CTC1: variants seen among roughly 807,000 people sequenced by gnomAD.
CTC1 encodes the protein CST telomere replication complex component 1.
In CTC1, 91 loss-of-function variants were observed where a neutral mutation model predicts 136.3. The ratio of observed to expected loss-of-function variants is 0.67; its 90% confidence interval spans 0.56 to 0.79. The LOEUF is 0.79. Ranked by LOEUF, CTC1 falls within the 30% of genes least tolerant of loss-of-function variation. The probability of loss-of-function intolerance (pLI) is 0.00; values close to 1 mark genes in which losing one functional copy is unlikely to be tolerated. For synonymous variants in CTC1, 606 were observed against 613.8 expected (o/e 0.99, Z 0.19); for missense variants, 1,432 against 1,498.1 (o/e 0.96, Z 0.73).
At chr17:8,235,987 CACT>C (rs776996372) in intron 6 of CTC1, 28 bp from the exon 7 acceptor site, 1 of 1,600,106 alleles carries the variant, frequency 6.2e-7, no homozygotes, top group Admixed American at 1.7e-5. Flanking sequence ...TCCAGTTGAC[CACT>C]ATTTTCTTCC....
At chr17:8,237,342 C>T in intron 5 of CTC1, 33 bp downstream of exon 5, 1 of 1,613,134 alleles carries the variant, frequency 6.2e-7, no homozygotes, top group Non-Finnish European at 8.5e-7. Flanking sequence ...CACCCTCCCC[C>T]ACTTCCATGG....
At chr17:8,232,571 C>T in intron 11 of CTC1, 96 bp from the exon 12 acceptor site, 4 of 967,106 alleles carry the variant, frequency 4.1e-6, no homozygotes, top group Non-Finnish European at 4.8e-6. Flanking sequence ...CCATCCCAGG[C>T]CAGAGCTGCT....
intron 1 of CTC1, among the ~76,000 whole-genome samples, chr17:8,245,303 A>G (rs1484509981): frequency 6.6e-6 from 1 of 152,248 alleles, no homozygotes; most frequent in East Asian, 1.9e-4. Flanking sequence ...AAAAGTTAAA[A>G]GGAAAAAAAA....
chr17:8,235,113 C>T lies in CTC1; in HGVS notation c.1379G>A (p.Arg460His), dbSNP rs200619397. ...ASLYEQLVWE[R>H]QLGLPLYLWA... ...CAGGTAGAGGGGAAGTCCTAACTGA[C>T]GTTCCCACACCAGCTGCTCGTACAG... Residue 460 changes from arginine to histidine, a missense_variant, in exon 8 of 23, where the codon CGT becomes CAT. Physicochemically the swap from Arg to His is conservative, Grantham distance 29. Transcript: ENST00000651323. 4.2e-5 allele frequency: 68 copies of T among 1,614,044 alleles called. No homozygotes were observed. Among genetic ancestry groups the T allele is most frequent in the East Asian group, 2.2e-5 (1 of 44,900 alleles).
At position 8,238,015 on chromosome 17, in the gene CTC1, T is replaced by C. The variant is rs761287304; in HGVS notation, c.647+16A>G. ...AGTTTTACAGCGCCCCTGCCATGCCTAGAGGGGGAAATTACCTGAGCCTGA... is the reference window on the plus strand; with the variant it reads ...AGTTTTACAGCGCCCCTGCCATGCCCAGAGGGGGAAATTACCTGAGCCTGA... On this transcript the variant is annotated intron_variant, in intron 4 of 22. Transcript: ENST00000651323. 5.0e-6 allele frequency: 8 copies of C among 1,605,280 alleles called. No individual in the cohort carries two copies. The African/African-American group carries it at 6.7e-5, about 13-fold the overall frequency.
chr17:8,235,623 C>T (rs1242517084), intron 7 of CTC1, among the ~76,000 whole-genome samples: 1 of 152,186 alleles, frequency 6.6e-6, no homozygotes, highest in Non-Finnish European at 1.5e-5. Flanking sequence ...GAAGGAGATG[C>T]TCTGGCCACA....
intron 2 of CTC1, among the ~76,000 whole-genome samples, chr17:8,241,896 G>T (rs529196399): frequency 1.3e-5 from 2 of 151,206 alleles, no homozygotes; most frequent in South Asian, 4.2e-4. Flanking sequence ...TTTACATAGG[G>T]TACGGTACCA....
chr17:8,229,227 G>A (rs767874922), intron 19 of CTC1, 21 bp from the exon 20 acceptor site: 1 of 1,614,174 alleles, frequency 6.2e-7, no homozygotes, highest in Non-Finnish European at 8.5e-7. Flanking sequence ...GACAGTGGTT[G>A]GAAAAGTCCT....
intron 2 of CTC1, among the ~76,000 whole-genome samples, chr17:8,241,511 C>G (rs966551177): frequency 4.7e-5 from 7 of 149,364 alleles, no homozygotes; most frequent in African/African-American, 1.7e-4. Context: ...ACTCAAGAGG[C>G]AGGAGAATCA....
chr17:8,245,286 C>T (rs564630704), intron 1 of CTC1, among the ~76,000 whole-genome samples: 46 of 152,216 alleles, frequency 3.0e-4, no homozygotes, highest in Admixed American at 1.8e-3. Flanking sequence ...CCCCCTGAAT[C>T]TAAAATAAAA....
Position 8,227,039 on chromosome 17 carries a change from G to C in CTC1, c.*1141C>G, listed in dbSNP as rs929998502. 1 of 152,526 alleles carries C rather than the reference G, an allele frequency of 6.6e-6. No individual in the cohort carries two copies. 9.4% of individuals were successfully genotyped at this position (152,526 alleles called of 1,614,324 possible). On this transcript the variant is annotated 3_prime_UTR_variant, in exon 23 of 23. Coordinates refer to ENST00000651323, the MANE Select transcript of CTC1 (RefSeq NM_025099.6). The stretch of plus-strand genomic sequence containing the variant: ...GCGACCTTGGCGTTATTAGCACCAC[G>C]CTCTAACCAACTGAGCTAACCGGCC...
In CTC1 at chr17:8,235,974, A is replaced by T; in HGVS notation, c.1078-15T>A. 1 of 1,602,348 alleles carries T rather than the reference A, an allele frequency of 6.2e-7. No homozygotes were observed. The highest frequency in any genetic ancestry group is 8.5e-7 in the Non-Finnish European group (1 of 1,170,810). On this transcript the variant is annotated splice_polypyrimidine_tract_variant and intron_variant, in intron 6 of 22. Transcript: ENST00000651323. ...GTGACTGCTCCCTGCAAACAGGCCG[A>T]GGTCCAGTTGACCACTATTTTCTTC...
chr17:8,245,065 T>C (rs1988564177), intron 1 of CTC1, among the ~76,000 whole-genome samples: 1 of 152,152 alleles, frequency 6.6e-6, no homozygotes, highest in African/African-American at 2.4e-5. Flanking sequence ...AAATACTGCA[T>C]GTTTGTTCCC....
chr17:8,235,139 G>T lies in CTC1; in HGVS notation c.1353C>A (p.Ser451=), dbSNP rs767761553. 1.2e-6 allele frequency: 2 copies of T among 1,614,066 alleles called. No homozygotes were observed. The highest frequency in any genetic ancestry group is 2.7e-5 in the African/African-American group (2 of 74,930). The change falls in exon 8 of 23, where the codon TCC becomes TCA. Residue 451 remains serine, a synonymous_variant. Coordinates refer to ENST00000651323, the MANE Select transcript of CTC1 (RefSeq NM_025099.6). ...AHSSRQAYGA[S]LYEQLVWERQ... ...GTTCCCACACCAGCTGCTCGTACAG[G>T]GAGGCCCCGTAGGCTTGACGGGATG...
chr17:8,248,007 G>C lies in CTC1; in HGVS notation c.30C>G (p.Ser10=). ...GAGACGTAATAGCAGCACTCACGGA[G>C]GAAGGGACCTGGGCCCGGCCAGCCG... MAAGRAQVP[S]SEQAWLEDAQ... The change falls in exon 1 of 23, where the codon TCC becomes TCG. Residue 10 remains serine, a synonymous_variant. Coordinates refer to ENST00000651323, the MANE Select transcript of CTC1 (RefSeq NM_025099.6). 6.2e-7 allele frequency: 1 copy of C among 1,607,824 alleles called. No individual in the cohort carries two copies. The highest frequency in any genetic ancestry group is 8.5e-7 in the Non-Finnish European group (1 of 1,176,556).
At position 8,235,285 on chromosome 17, in the gene CTC1, G is replaced by T; in HGVS notation, c.1207C>A (p.Leu403Ile). ...GACTGGAGCAGGTGAACATCCTGGA[G>T]CTGGGGGAAAGCAGAGAAAATGAAA... ...RVMRPGVCLQ[L>I]QDVHLLQSVG... is the part of the protein sequence containing the mutation. Residue 403 changes from leucine (L) to isoleucine (I), a missense_variant and splice_region_variant, in exon 8 of 23, where the codon CTC becomes ATC. Leu to Ile is a conservative substitution (Grantham distance 5). Transcript: ENST00000651323. 6.2e-7 allele frequency: 1 copy of T among 1,609,910 alleles called. No individual in the cohort carries two copies. The highest frequency in any genetic ancestry group is 2.2e-5 in the East Asian group (1 of 44,834).
At chr17:8,243,452 GAGGTTGTGGT>G (rs1273030111) in intron 1 of CTC1, among the ~76,000 whole-genome samples, 4 of 151,812 alleles carry the variant, frequency 2.6e-5, no homozygotes, top group Non-Finnish European at 5.9e-5. Flanking sequence ...CCAGGAGGCG[GAGGTTGTGGT>G]GAGCCAAGAT....
chr17:8,242,674 CTT>C (rs1393032018), intron 2 of CTC1, among the ~76,000 whole-genome samples: 3 of 150,650 alleles, frequency 2.0e-5, no homozygotes, highest in African/African-American at 7.3e-5. Context: ...TTCTCTGTAT[CTT>C]TGTTTCCCAA....
intron 5 of CTC1, 58 bp from the exon 6 acceptor site, chr17:8,236,400 CAG>C (rs1987733331): frequency 3.9e-6 from 6 of 1,543,128 alleles, no homozygotes; most frequent in Non-Finnish European, 5.2e-6. Flanking sequence ...GCCACTCTGC[CAG>C]AGTCCTTTTC....
Sources: gnomAD v4.1 joint callset for allele counts (sites outside exome capture counted in the v4.1 genomes callset) on GRCh38, gnomAD v4.1.1 for gene constraint, MANE v1.5 for transcripts, NCBI Gene and HGNC (gene_info 2026-07-23, HGNC 2026-07-21) for gene names.